The following STMN2 variants were observed in gnomAD, a reference collection of about 807,000 sequenced individuals.
STMN2 encodes the protein stathmin 2, also known as stathmin-2.
Under a neutral mutation model 24.1 loss-of-function variants are expected in STMN2, and 2 were observed. The ratio of observed to expected loss-of-function variants is 0.08; its 90% CI spans 0.03 to 0.26. STMN2 has a LOEUF of 0.26. Among genes scored for constraint, STMN2 ranks in the 10% least tolerant of loss-of-function variants. The pLI is 1.00. For synonymous variants in STMN2, 83 were observed against 77.5 expected, an observed-to-expected ratio of 1.07 and a Z score of -0.37; for missense variants, 114 against 213.6, an observed-to-expected ratio of 0.53 and a Z score of 2.91.
intron 3 of STMN2, 101 bp downstream of exon 3, chr8:79,641,651 C>CAT: frequency 1.3e-6 from 1 of 781,280 alleles, no homozygotes; most frequent in Non-Finnish European, 2.0e-6. Context: ...CACACACACA[C>CAT]ACACACACAC....
chr8:79,626,870 G>A (rs1385728581), intron 1 of STMN2, among the ~76,000 whole-genome samples: 1 of 152,120 alleles, frequency 6.6e-6, no homozygotes, highest in Non-Finnish European at 1.5e-5. Context: ...TAAGGGCTAA[G>A]GTCTGTGAAA....
intron 3 of STMN2, among the ~76,000 whole-genome samples, chr8:79,642,804 A>G (rs938722626): frequency 9.2e-5 from 14 of 151,492 alleles, no homozygotes; most frequent in Admixed American, 2.6e-4. Context: ...AAATCCTCCT[A>G]TGATATGTAA....
chr8:79,658,749 A>G (rs145974902), intron 4 of STMN2, among the ~76,000 whole-genome samples: 5 of 152,310 alleles, frequency 3.3e-5, no homozygotes, highest in Non-Finnish European at 5.9e-5. Flanking sequence ...TATTTTCACC[A>G]TGATGCCCAT....
intron 1 of STMN2, 119 bp downstream of exon 1, chr8:79,611,333 C>A: frequency 7.3e-7 from 1 of 1,371,860 alleles, no homozygotes; most frequent in Non-Finnish European, 1.0e-6. Context: ...AATGGTAACA[C>A]AGGACCAGGA....
chr8:79,655,531 T>A (rs951672776), intron 4 of STMN2, among the ~76,000 whole-genome samples: 1 of 152,160 alleles, frequency 6.6e-6, no homozygotes, highest in Non-Finnish European at 1.5e-5. Flanking sequence ...AGGGTATTTA[T>A]GAACACTGGT....
chr8:79,664,237 G>A (rs905765450), intron 4 of STMN2, among the ~76,000 whole-genome samples: 1 of 152,198 alleles, frequency 6.6e-6, no homozygotes, highest in Admixed American at 6.5e-5. Context: ...CTGACCAGTG[G>A]AGATGAAAGA....
chr8:79,613,407 C>G, intron 1 of STMN2: 1 of 985,454 alleles, frequency 1.0e-6, no homozygotes, highest in Non-Finnish European at 1.2e-6. Flanking sequence ...CTCGCCCCCG[C>G]GGTGCAGCCG....
intron 4 of STMN2, among the ~76,000 whole-genome samples, chr8:79,655,731 T>C (rs1482496875): frequency 6.6e-6 from 1 of 152,224 alleles, no homozygotes; most frequent in African/African-American, 2.4e-5. Flanking sequence ...TTTTGTACTC[T>C]CTATGCTGTC....
intron 1 of STMN2, chr8:79,621,099 G>A: frequency 2.2e-6 from 2 of 909,448 alleles, no homozygotes; most frequent in Non-Finnish European, 1.3e-6. Context: ...TGCTGCTGGT[G>A]CTGCATGGAA....
chr8:79,618,356 C>A (rs1809431398), intron 1 of STMN2, among the ~76,000 whole-genome samples: 1 of 152,194 alleles, frequency 6.6e-6, no homozygotes, highest in African/African-American at 2.4e-5. Context: ...CTGGTGGGAA[C>A]ACACTCTGAT....
chr8:79,635,390 CA>C (rs1173113323), intron 1 of STMN2, among the ~76,000 whole-genome samples: 2 of 152,176 alleles, frequency 1.3e-5, no homozygotes, highest in East Asian at 3.8e-4. Flanking sequence ...TTTGACCTTG[CA>C]ATCCCATTAC....
At position 79,614,871 on chromosome 8, in the gene STMN2, A is replaced by G. The variant is rs540758678; in HGVS notation, c.19+3657A>G. 3.3e-5 allele frequency among the ~76,000 whole-genome samples: 5 copies of G among 152,280 alleles called. No individual in the cohort carries two copies. The South Asian group carries it at 1.0e-3, about 32-fold the overall frequency. On this transcript the variant is annotated intron_variant, in intron 1 of 4. Coordinates refer to ENST00000220876, the MANE Select transcript of STMN2 (RefSeq NM_007029.4). ...ATTACTTTGGGTTTTTATTTTTCAA[A>G]TTACTAATGGATAGATGGTGGAATA...
At chr8:79,639,005 A>G (rs992013464) in intron 2 of STMN2, among the ~76,000 whole-genome samples, 12 of 152,186 alleles carry the variant, frequency 7.9e-5, no homozygotes, top group Non-Finnish European at 1.5e-5. Context: ...TTTGTGAAGG[A>G]AAAAGCCCAC....
chr8:79,659,629 CATTTT>C (rs1428684420), intron 4 of STMN2, among the ~76,000 whole-genome samples: 1 of 152,162 alleles, frequency 6.6e-6, no homozygotes, highest in Non-Finnish European at 1.5e-5. Context: ...CATGTATAAT[CATTTT>C]AACAACAATA....
intron 1 of STMN2, among the ~76,000 whole-genome samples, chr8:79,626,392 C>A (rs1222893479): frequency 6.6e-6 from 1 of 152,184 alleles, no homozygotes; most frequent in Non-Finnish European, 1.5e-5. Context: ...TTAAATTTTG[C>A]CTCTACGCCA....
At chr8:79,624,842 C>CTATCTATTGTTT (rs1369622340) in intron 1 of STMN2, among the ~76,000 whole-genome samples, 1 of 152,216 alleles carries the variant, frequency 6.6e-6, no homozygotes, top group Non-Finnish European at 1.5e-5. Context: ...TGTGAACTTT[C>CTATCTATTGTTT]ACTAGTTTAC....
Position 79,641,541 on chromosome 8 carries a change from A to C in STMN2, c.279A>C (p.Glu93Asp), listed in dbSNP as rs1325670278. The change falls in exon 3 of 5, where the codon GAA becomes GAC. Residue 93 changes from glutamate (E) to aspartate (D), a missense_variant. Coordinates refer to ENST00000220876, the MANE Select transcript of STMN2 (RefSeq NM_007029.4). ...EIQKKLEAAE[E>D]RRKSQEAQVL... ...AGAAGAAACTGGAGGCTGCAGAGGA[A>C]AGAAGAAAGGTAACTTTTTCCATAG... is the stretch of plus-strand genomic sequence containing the variant. 3 of 1,608,164 alleles carry C rather than the reference A, an allele frequency of 1.9e-6. No individual in the cohort carries two copies. Among genetic ancestry groups the C allele is most frequent in the Non-Finnish European group, 2.5e-6 (3 of 1,177,248 alleles).
At chr8:79,624,475 A>AAAAG (rs780062937) in intron 1 of STMN2, among the ~76,000 whole-genome samples, 52 of 140,186 alleles carry the variant, frequency 3.7e-4, no homozygotes, top group African/African-American at 8.8e-4. Flanking sequence ...AAAAAAAAAA[A>AAAAG]AAAGAAAGAA....
intron 1 of STMN2, among the ~76,000 whole-genome samples, chr8:79,623,407 T>G (rs927739564): frequency 6.6e-6 from 1 of 152,212 alleles, no homozygotes; most frequent in South Asian, 2.1e-4. Flanking sequence ...TAAGGGAGGA[T>G]AACTACCAAT....
Sources: allele counts gnomAD v4.1 joint callset (sites outside exome capture counted in the v4.1 genomes callset), GRCh38; gene constraint gnomAD v4.1.1; transcripts MANE v1.5; gene names NCBI Gene and HGNC (gene_info 2026-07-23, HGNC 2026-07-21).